The following FHIT variants were observed in gnomAD, a reference collection of about 807,000 sequenced individuals.
The protein encoded by FHIT is fragile histidine triad diadenosine triphosphatase, also known as bis(5'-adenosyl)-triphosphatase.
In FHIT, 19 loss-of-function variants were observed where a neutral mutation model predicts 17.9. That is an observed-to-expected ratio of 1.06 (90% CI 0.74 to 1.56). The LOEUF (loss-of-function observed/expected upper bound fraction) is 1.56. Among genes scored for constraint, FHIT ranks in the 40% most tolerant of loss-of-function variants. FHIT has a pLI of 0.00. For synonymous variants in FHIT, 81 were observed against 69.7 expected, an observed-to-expected ratio of 1.16 and a Z score of -0.81; for missense variants, 248 against 189.2, an observed-to-expected ratio of 1.31 and a Z score of -1.82.
intron 7 of FHIT, among the ~76,000 whole-genome samples, chr3:59,935,146 G>T (rs1052183548): frequency 1.3e-5 from 2 of 152,072 alleles, no homozygotes; most frequent in African/African-American, 4.8e-5. Flanking sequence ...TTGTAAAATT[G>T]GTTCTGCTTG....
At chr3:60,376,092 T>C (rs1020856574) in intron 5 of FHIT, among the ~76,000 whole-genome samples, 2 of 152,200 alleles carry the variant, frequency 1.3e-5, no homozygotes, top group African/African-American at 4.8e-5. Context: ...TGTCCCCTTG[T>C]AGGACTTGGC....
chr3:60,238,914 T>C (rs1477588489), intron 5 of FHIT, among the ~76,000 whole-genome samples: 1 of 152,206 alleles, frequency 6.6e-6, no homozygotes, highest in African/African-American at 2.4e-5. Context: ...ACCTTTTCAA[T>C]TATGATAATC....
chr3:60,224,221 T>C (rs1704087332), intron 5 of FHIT, among the ~76,000 whole-genome samples: 1 of 152,138 alleles, frequency 6.6e-6, no homozygotes, highest in Non-Finnish European at 1.5e-5. Flanking sequence ...GCACTGAGGT[T>C]CACAGAGGAG....
At chr3:60,519,351 T>C (rs1423430112) in intron 5 of FHIT, among the ~76,000 whole-genome samples, 1 of 152,228 alleles carries the variant, frequency 6.6e-6, no homozygotes, top group Non-Finnish European at 1.5e-5. Flanking sequence ...ACTGGTAGAC[T>C]GCATTAAAAA....
chr3:60,904,241 T>C (rs1553763946), intron 3 of FHIT, among the ~76,000 whole-genome samples: 1 of 152,184 alleles, frequency 6.6e-6, no homozygotes, highest in Non-Finnish European at 1.5e-5. Flanking sequence ...CTAGGAGAGA[T>C]AGGGAGAGGT....
intron 5 of FHIT, among the ~76,000 whole-genome samples, chr3:60,348,415 A>T (rs1193164352): frequency 1.3e-5 from 2 of 151,890 alleles, no homozygotes; most frequent in Non-Finnish European, 2.9e-5. Context: ...CATAGAGTTT[A>T]TATTAAAACT....
At chr3:59,969,839 C>T (rs949522934) in intron 7 of FHIT, among the ~76,000 whole-genome samples, 2 of 152,042 alleles carry the variant, frequency 1.3e-5, no homozygotes, top group African/African-American at 4.8e-5. Context: ...TCTGATACTG[C>T]AGAGGCCACT....
intron 8 of FHIT, among the ~76,000 whole-genome samples, chr3:59,756,110 G>A (rs1174787418): frequency 7.2e-5 from 11 of 152,136 alleles, no homozygotes; most frequent in Non-Finnish European, 1.0e-4. Context: ...AAATAACACT[G>A]ACCTAATGAC....
At chr3:60,509,063 C>A (rs551344299) in intron 5 of FHIT, among the ~76,000 whole-genome samples, 1 of 152,244 alleles carries the variant, frequency 6.6e-6, no homozygotes, top group East Asian at 1.9e-4. Flanking sequence ...TTTTGGGGTA[C>A]CTGCAACTCC....
chr3:60,848,021 T>G (rs1275105201), intron 3 of FHIT, among the ~76,000 whole-genome samples: 1 of 152,220 alleles, frequency 6.6e-6, no homozygotes, highest in Non-Finnish European at 1.5e-5. Flanking sequence ...TACTTATTGC[T>G]GCATACCATC....
intron 2 of FHIT, among the ~76,000 whole-genome samples, chr3:61,092,310 T>C (rs1054869931): frequency 3.9e-5 from 6 of 152,088 alleles, no homozygotes; most frequent in African/African-American, 1.4e-4. Flanking sequence ...CCAAGAACTA[T>C]TTTTCTTACA....
intron 5 of FHIT, among the ~76,000 whole-genome samples, chr3:60,354,463 G>A (rs756320805): frequency 3.9e-5 from 6 of 151,988 alleles, no homozygotes; most frequent in Non-Finnish European, 8.8e-5. Context: ...GATGATTCTC[G>A]AAAAAGCCCC....
chr3:60,237,262 A>ATTTTTTTTTTTTTTTTT (rs201958097), intron 5 of FHIT, among the ~76,000 whole-genome samples: 2 of 124,848 alleles, frequency 1.6e-5, no homozygotes, highest in African/African-American at 3.0e-5. Context: ...TTGTTTTTCC[A>ATTTTTTTTTTTTTTTTT]TTTTTTTTTT....
At chr3:60,058,729 G>A (rs997937874) in intron 5 of FHIT, among the ~76,000 whole-genome samples, 1 of 152,128 alleles carries the variant, frequency 6.6e-6, no homozygotes, top group Non-Finnish European at 1.5e-5. Context: ...GATAGTGACA[G>A]CTAGCAACAC....
chr3:61,022,777 T>C (rs1395566895), intron 3 of FHIT, among the ~76,000 whole-genome samples: 1 of 152,150 alleles, frequency 6.6e-6, no homozygotes, highest in Non-Finnish European at 1.5e-5. Context: ...AGAAAAGGCC[T>C]TCAATAAAAT....
intron 3 of FHIT, among the ~76,000 whole-genome samples, chr3:60,982,855 A>C (rs1283813105): frequency 1.3e-5 from 2 of 152,154 alleles, no homozygotes; most frequent in East Asian, 3.9e-4. Context: ...TTCCATCACT[A>C]TTTAAATTTT....
In FHIT at chr3:60,418,253, T is replaced by C. The variant is rs558499937; in HGVS notation, c.103+118607A>G. On this transcript the variant is annotated intron_variant, in intron 5 of 9. Transcript: ENST00000492590. ...TCAAAAAGGCTTCAGAGAAGCTTTT[T>C]GTCTACTCATTTTTAGTTTTAAAAA... Among the ~76,000 whole-genome samples, 4 of 151,780 alleles carry C rather than the reference T, an allele frequency of 2.6e-5. No individual in the cohort carries two copies. In the East Asian group the frequency reaches 7.8e-4, roughly 29 times the overall value.
intron 5 of FHIT, among the ~76,000 whole-genome samples, chr3:60,197,844 C>G (rs905652159): frequency 2.6e-5 from 4 of 152,142 alleles, no homozygotes; most frequent in African/African-American, 9.7e-5. Context: ...GCCTTTTGAA[C>G]CTTTAGTTTC....
chr3:60,128,425 A>G (rs1211563130), intron 5 of FHIT, among the ~76,000 whole-genome samples: 1 of 152,160 alleles, frequency 6.6e-6, no homozygotes, highest in Non-Finnish European at 1.5e-5. Flanking sequence ...TACCATGACT[A>G]TAAGTTTCCT....
Sources: allele counts gnomAD v4.1 joint callset (sites outside exome capture counted in the v4.1 genomes callset), GRCh38; gene constraint gnomAD v4.1.1; transcripts MANE v1.5; gene names NCBI Gene and HGNC (gene_info 2026-07-23, HGNC 2026-07-21).